The following AFG2B variants were observed in gnomAD, a reference collection of about 807,000 sequenced individuals.
AFG2B encodes the protein ATPase family gene 2 protein homolog B.
At chr15:45,416,860 A>C in the AFG2B span, 1 of 154,640 alleles carries the variant, frequency 6.5e-6, no homozygotes, top group African/African-American at 2.4e-5. Flanking sequence ...CTCTTTAGGG[A>C]TATGAGAGTC....
the AFG2B span, chr15:45,402,620 G>A: frequency 1.3e-6 from 2 of 1,577,874 alleles, no homozygotes; most frequent in Admixed American, 1.8e-5. Context: ...GCCTGGCCTC[G>A]GCGGGACGGA....
At chr15:45,403,742 G>T in the AFG2B span, among the ~76,000 whole-genome samples, 1 of 152,182 alleles carries the variant, frequency 6.6e-6, no homozygotes, top group African/African-American at 2.4e-5. Context: ...GTCAGGATCT[G>T]AGAGTCAGGA....
chr15:45,409,598 T>A, the AFG2B span, among the ~76,000 whole-genome samples: 1 of 151,282 alleles, frequency 6.6e-6, no homozygotes, highest in Non-Finnish European at 1.5e-5. Context: ...TGGTGGCTCA[T>A]GCCTGTAATC....
chr15:45,403,399 C>A, the AFG2B span: 2 of 1,610,664 alleles, frequency 1.2e-6, no homozygotes, highest in Non-Finnish European at 1.7e-6. Flanking sequence ...CGTAGTGGCC[C>A]AGGTGTTGAC....
chr15:45,417,028 A>C, the AFG2B span: 602 of 369,118 alleles, frequency 1.6e-3, 1 homozygote, highest in African/African-American at 0.012. Flanking sequence ...ATAGGTTCTC[A>C]TATGGAGAAT....
the AFG2B span, chr15:45,410,318 A>C: frequency 6.3e-7 from 1 of 1,586,046 alleles, no homozygotes; most frequent in Non-Finnish European, 8.6e-7. Context: ...TGCTATAAAA[A>C]AAGACCAACC....
At chr15:45,404,982 G>A in the AFG2B span, among the ~76,000 whole-genome samples, 2 of 151,928 alleles carry the variant, frequency 1.3e-5, no homozygotes, top group Non-Finnish European at 2.9e-5. Context: ...TATCAAATCA[G>A]GGTGCTTAGG....
chr15:45,415,507 A>C, the AFG2B span: 1 of 1,320,780 alleles, frequency 7.6e-7, no homozygotes, highest in Non-Finnish European at 1.0e-6. Flanking sequence ...AAAAAAAAAA[A>C]AAAAACAGGA....
the AFG2B span, chr15:45,402,693 G>T: frequency 6.4e-7 from 1 of 1,571,060 alleles, no homozygotes; most frequent in East Asian, 2.3e-5. Context: ...TCGGGGCGTC[G>T]AGATCCCGGA....
At chr15:45,403,459 A>G in the AFG2B span, 8 of 1,608,778 alleles carry the variant, frequency 5.0e-6, no homozygotes, top group South Asian at 7.7e-5. Context: ...TGTGGGAGCC[A>G]CTAACCGGCC....
the AFG2B span, among the ~76,000 whole-genome samples, chr15:45,404,956 GC>G: frequency 3.3e-5 from 5 of 151,820 alleles, no homozygotes; most frequent in Non-Finnish European, 7.4e-5. Context: ...TTTGGTACAT[GC>G]ATACAATTTG....
At chr15:45,407,592 G>T in the AFG2B span, among the ~76,000 whole-genome samples, 2 of 152,138 alleles carry the variant, frequency 1.3e-5, no homozygotes, top group East Asian at 3.8e-4. Flanking sequence ...AATGAAGATA[G>T]AAAATTATAA....
the AFG2B span, chr15:45,403,079 G>T: frequency 6.5e-7 from 1 of 1,530,838 alleles, no homozygotes; most frequent in Non-Finnish European, 8.7e-7. Flanking sequence ...GAGCTCCTCC[G>T]CCTCCCGCTC....
chr15:45,402,410 G>T, the AFG2B span: 7 of 1,579,176 alleles, frequency 4.4e-6, no homozygotes, highest in Non-Finnish European at 6.0e-6. Context: ...GGTTTCGTCT[G>T]CCTGGTTCAT....
the AFG2B span, among the ~76,000 whole-genome samples, chr15:45,420,384 G>C: frequency 2.0e-5 from 3 of 152,088 alleles, no homozygotes; most frequent in African/African-American, 7.2e-5. Context: ...GTATGTGTTT[G>C]ATCTATTCCT....
chr15:45,415,617 G>A, the AFG2B span: 1 of 1,613,946 alleles, frequency 6.2e-7, no homozygotes, highest in Non-Finnish European at 8.5e-7. Flanking sequence ...AAGCACTCCA[G>A]CAATTTTGTT....
the AFG2B span, chr15:45,421,303 T>C: frequency 2.3e-6 from 2 of 886,162 alleles, no homozygotes; most frequent in Non-Finnish European, 3.2e-6. Context: ...TGTGTTTATA[T>C]TTCCTGTAAG....
chr15:45,404,825 A>G, the AFG2B span, among the ~76,000 whole-genome samples: 4 of 134,478 alleles, frequency 3.0e-5, no homozygotes, highest in Middle Eastern at 3.6e-3. Flanking sequence ...AAAAAAAAAG[A>G]AAAAAAAAAT....
At chr15:45,415,194 AT>A in the AFG2B span, among the ~76,000 whole-genome samples, 2 of 152,086 alleles carry the variant, frequency 1.3e-5, no homozygotes, top group African/African-American at 4.8e-5. Flanking sequence ...TTTTATATCT[AT>A]TTTAAAAATT....
Sources: allele counts gnomAD v4.1 joint callset (sites outside exome capture counted in the v4.1 genomes callset), GRCh38; gene constraint gnomAD v4.1.1; transcripts MANE v1.5; gene names NCBI Gene and HGNC (gene_info 2026-07-23, HGNC 2026-07-21).